The following NQO2 variants were observed in gnomAD, a reference collection of about 807,000 sequenced individuals.
The protein encoded by NQO2 is N-ribosyldihydronicotinamide:quinone dehydrogenase 2, also known as ribosyldihydronicotinamide dehydrogenase [quinone].
A neutral mutation model predicts 22.0 loss-of-function variants in NQO2; 18 were observed. That is an observed-to-expected ratio of 0.82 (90% CI 0.56 to 1.21). NQO2 has a LOEUF of 1.21. Among genes scored for constraint, NQO2 ranks in the 50% most tolerant of loss-of-function variants. NQO2 has a pLI of 0.00. For missense variants in NQO2, 267 were observed against 286.9 expected, an observed-to-expected ratio of 0.93 and a Z score of 0.50; for synonymous variants, 106 against 110.8, an observed-to-expected ratio of 0.96 and a Z score of 0.28.
intron 6 of NQO2, among the ~76,000 whole-genome samples, chr6:3,018,699 A>C (rs1581338601): frequency 1.3e-5 from 2 of 152,190 alleles, no homozygotes; most frequent in East Asian, 3.8e-4. Context: ...GAAAGGAAAA[A>C]GTACGTGATT....
chr6:3,005,951 C>T lies in NQO2; in HGVS notation c.-85-517C>T, dbSNP rs576825473. The T allele has an allele frequency of 2.1e-5, 6 of 287,736 alleles. No homozygotes were observed. In the South Asian group the frequency reaches 4.0e-4, roughly 19 times the overall value. 17.8% of individuals were successfully genotyped at this position (287,736 alleles called of 1,614,324 possible). On this transcript the variant is annotated intron_variant, in intron 1 of 6. Coordinates refer to ENST00000380455, the MANE Select transcript of NQO2 (RefSeq NM_000904.6). The stretch of plus-strand genomic sequence containing the variant: ...GGGTCTCCTCTGCTCCTCTGGCCTC[C>T]GCTGCATCCCTGGAGAATCTCTGAG...
Position 3,019,646 on chromosome 6 carries a change from C to T in NQO2, c.687C>T (p.Phe229=), listed in dbSNP as rs142393472. The change falls in exon 7 of 7, where the codon TTC becomes TTT. Residue 229 remains phenylalanine, a synonymous_variant. Coordinates refer to ENST00000380455, the MANE Select transcript of NQO2 (RefSeq NM_000904.6). ...EPIPCTAHWH[F]GQ is the part of the protein sequence containing the mutation. ...TCCCCTGCACAGCCCACTGGCACTTCGGGCAATAACTCTGTGGCACGTGGG... is the reference window on the plus strand; with the variant it reads ...TCCCCTGCACAGCCCACTGGCACTTTGGGCAATAACTCTGTGGCACGTGGG... 2.1e-5 allele frequency: 34 copies of T among 1,606,064 alleles called. No homozygotes were observed. Among genetic ancestry groups the T allele is most frequent in the African/African-American group, 1.6e-4 (12 of 74,772 alleles).
In NQO2 at chr6:3,006,390, G is replaced by A; in HGVS notation, c.-85-78G>A. On this transcript the variant is annotated intron_variant, in intron 1 of 6. Transcript: ENST00000380455. This position sits in a 1 kb window ranked among gnomAD's most constrained non-coding sequence, Gnocchi z 4.0. Reference sequence around the variant, plus strand: ...GTGTTTGCGTGTCTGTCAGGAAGCAGCAGTGATGCCTAGATGTGGTACATT... The same window carrying A: ...GTGTTTGCGTGTCTGTCAGGAAGCAACAGTGATGCCTAGATGTGGTACATT... 1 of 1,441,916 alleles carries A rather than the reference G, an allele frequency of 6.9e-7. No homozygotes were observed. The highest frequency in any genetic ancestry group is 3.1e-5 in the Admixed American group (1 of 32,294). The allele number at this position is 1,441,916 out of a possible 1,614,324, so 89.3% of individuals were successfully genotyped here. A position where few individuals can be genotyped will look rare whatever the true frequency, so the allele number is the denominator to read the frequency against.
intron 3 of NQO2, among the ~76,000 whole-genome samples, chr6:3,010,601 C>A (rs1405219136): frequency 6.6e-6 from 1 of 152,086 alleles, no homozygotes; most frequent in Non-Finnish European, 1.5e-5. Flanking sequence ...CTGCCTCAAC[C>A]CACAGGAAGC....
intron 1 of NQO2, chr6:3,005,801 CT>C: frequency 1.0e-6 from 1 of 985,380 alleles, no homozygotes; most frequent in Middle Eastern, 5.2e-4. Context: ...CTCTCTCACT[CT>C]TCTGGGCCAT....
intron 4 of NQO2, chr6:3,015,202 G>C: frequency 7.4e-7 from 1 of 1,351,644 alleles, no homozygotes; most frequent in Non-Finnish European, 9.7e-7. Flanking sequence ...TCTTCCTTTT[G>C]ACTGGCTTGA....
chr6:3,019,349 G>A lies in NQO2; in HGVS notation c.520-130G>A, dbSNP rs1478680849. ...AGGGAAGTTTAGCTTTCAGTTGCCT[G>A]TAACATTAAGGTTGTTTCATGATTT... is the stretch of plus-strand genomic sequence containing the variant. On this transcript the variant is annotated intron_variant, in intron 6 of 6. Transcript: ENST00000380455. 4 of 1,416,454 alleles carry A rather than the reference G, an allele frequency of 2.8e-6. No homozygotes were observed. The African/African-American group carries it at 4.3e-5, about 15-fold the overall frequency. 87.7% of individuals were successfully genotyped at this position (1,416,454 alleles called of 1,614,324 possible). A position where few individuals can be genotyped will look rare whatever the true frequency, so the allele number is the denominator to read the frequency against.
At chr6:3,004,773 T>A in intron 1 of NQO2, 1 of 336,850 alleles carries the variant, frequency 3.0e-6, no homozygotes, top group Non-Finnish European at 4.2e-6. Context: ...CACTAAGCCC[T>A]AGTCACACTC....
At chr6:3,007,645 T>C (rs1756996648) in intron 2 of NQO2, among the ~76,000 whole-genome samples, 1 of 152,234 alleles carries the variant, frequency 6.6e-6, no homozygotes, top group African/African-American at 2.4e-5. Context: ...CTCTTTCCAA[T>C]GAGGAAAATA....
chr6:3,006,735 C>G lies in NQO2; in HGVS notation c.7+176C>G, dbSNP rs28383617. On this transcript the variant is annotated intron_variant, in intron 2 of 6. Coordinates refer to ENST00000380455, the MANE Select transcript of NQO2 (RefSeq NM_000904.6). This position sits in a 1 kb window ranked among gnomAD's most constrained non-coding sequence, Gnocchi z 4.0. ...ACATTGTTGTAAAAAATCCAAGCCA[C>G]GTGGAAGTGTATAAACTATCTGGAA... 3.4e-6 allele frequency: 2 copies of G among 589,084 alleles called. No homozygotes were observed. Among genetic ancestry groups the G allele is most frequent in the African/African-American group, 3.8e-5 (2 of 52,188 alleles). 36.5% of individuals were successfully genotyped at this position (589,084 alleles called of 1,614,324 possible).
intron 6 of NQO2, among the ~76,000 whole-genome samples, chr6:3,018,168 C>T (rs754159335): frequency 3.3e-5 from 5 of 152,148 alleles, no homozygotes; most frequent in Non-Finnish European, 5.9e-5. Flanking sequence ...GCTGTTTTCT[C>T]CTCCTAATCA....
In NQO2 at chr6:3,006,903, G is replaced by A. The variant is rs1756969076; in HGVS notation, c.7+344G>A. On this transcript the variant is annotated intron_variant, in intron 2 of 6. Coordinates refer to ENST00000380455, the MANE Select transcript of NQO2 (RefSeq NM_000904.6). The surrounding 1 kb of genome is among the most constrained non-coding windows in gnomAD (Gnocchi z 4.0). The stretch of plus-strand genomic sequence containing the variant: ...AAATTCTCCCTGGGCTGTAGCAGGG[G>A]CTCAAGTGAATGAACCCCAGGAGGC... 1 of 410,950 alleles carries A rather than the reference G, an allele frequency of 2.4e-6. No homozygotes were observed. The highest frequency in any genetic ancestry group is 4.3e-6 in the Non-Finnish European group (1 of 233,212). The allele number at this position is 410,950 out of a possible 1,614,324, so 25.5% of individuals were successfully genotyped here.
Position 3,006,981 on chromosome 6 carries a change from C to A in NQO2, c.7+422C>A. Reference sequence around the variant, plus strand: ...TATCTTTGCTTTTGCAACTGCTTATCATGCACATATACATGAACATGCAAT... The same window carrying A: ...TATCTTTGCTTTTGCAACTGCTTATAATGCACATATACATGAACATGCAAT... On this transcript the variant is annotated intron_variant, in intron 2 of 6. Transcript: ENST00000380455. The surrounding 1 kb of genome is among the most constrained non-coding windows in gnomAD (Gnocchi z 4.0). The A allele has an allele frequency of 2.5e-6, 1 of 404,160 alleles. No individual in the cohort carries two copies. Among genetic ancestry groups the A allele is most frequent in the South Asian group, 1.2e-4 (1 of 8,602 alleles). The allele number at this position is 404,160 out of a possible 1,614,324, so 25.0% of individuals were successfully genotyped here. A position where few individuals can be genotyped will look rare whatever the true frequency, so the allele number is the denominator to read the frequency against.
rs531625698 is a variant in NQO2, at chr6:3,006,341, T to C, written c.-85-127T>C. On this transcript the variant is annotated intron_variant, in intron 1 of 6. Transcript: ENST00000380455. The surrounding 1 kb of genome is among the most constrained non-coding windows in gnomAD (Gnocchi z 4.0). ...CTAAATCTCCAGAAGATTCCTGGCCTCTCTTGAGAGGTCTTTCTCTGATGT... is the reference window on the plus strand; with the variant it reads ...CTAAATCTCCAGAAGATTCCTGGCCCCTCTTGAGAGGTCTTTCTCTGATGT... 27 of 1,372,530 alleles carry C rather than the reference T, an allele frequency of 2.0e-5. No homozygotes were observed. In the Admixed American group the frequency reaches 3.3e-4, roughly 17 times the overall value. The allele number at this position is 1,372,530 out of a possible 1,614,324, so 85.0% of individuals were successfully genotyped here. A position where few individuals can be genotyped will look rare whatever the true frequency, so the allele number is the denominator to read the frequency against.
At position 3,012,564 on chromosome 6, in the gene NQO2, G is replaced by GT. The variant is rs1398765982; in HGVS notation, c.197dup (p.Asn67GlnfsTer17). ...GACAGGTACTCTTTCTAATCCTGAG[G>GT]TTTTCAATTATGGAGTGGAAACCCA... On this transcript the variant is annotated frameshift_variant, in exon 4 of 7. Coordinates refer to ENST00000380455, the MANE Select transcript of NQO2 (RefSeq NM_000904.6). LOFTEE classifies it high-confidence loss of function. 22 of 1,614,146 alleles carry GT rather than the reference G, an allele frequency of 1.4e-5. No individual in the cohort carries two copies. Among genetic ancestry groups the GT allele is most frequent in the Non-Finnish European group, 1.8e-5 (21 of 1,180,034 alleles).
rs751275766 is a variant in NQO2, at chr6:3,010,226, A to G, written c.172+37A>G. The G allele has an allele frequency of 4.7e-6, 7 of 1,481,388 alleles. No homozygotes were observed. The South Asian group carries it at 8.1e-5, about 17-fold the overall frequency. The allele number at this position is 1,481,388 out of a possible 1,614,324, so 91.8% of individuals were successfully genotyped here. A position where few individuals can be genotyped will look rare whatever the true frequency, so the allele number is the denominator to read the frequency against. On this transcript the variant is annotated intron_variant, in intron 3 of 6. Transcript: ENST00000380455. ...GATAAATGCTCTATTTATAAAAACC[A>G]TCTTTATGTTTTTTACTTTAAAAAA... is the stretch of plus-strand genomic sequence containing the variant.
rs768151735 is a variant in NQO2 at position 3,015,630 on chromosome 6, C to T, written c.404C>T (p.Ser135Phe). 7 of 1,613,996 alleles carry T rather than the reference C, an allele frequency of 4.3e-6. No individual in the cohort carries two copies. Among genetic ancestry groups the T allele is most frequent in the Non-Finnish European group, 5.9e-6 (7 of 1,180,026 alleles). ...FAFDIPGFYD[S>F]GLLQGKLALL... The stretch of plus-strand genomic sequence containing the variant: ...TTTGACATCCCAGGATTCTACGATT[C>T]CGGTTTGCTCCAGGTATGTGCTCTT... The change falls in exon 5 of 7, where the codon TCC (serine) becomes TTC (phenylalanine). Residue 135 changes from serine (S) to phenylalanine (F), a missense_variant. Ser to Phe is a radical substitution (Grantham distance 155). Transcript: ENST00000380455.
chr6:3,015,012 G>GT (rs1262694942), intron 4 of NQO2: 3 of 1,012,296 alleles, frequency 3.0e-6, no homozygotes, highest in Non-Finnish European at 4.1e-6. Flanking sequence ...TTCCCAGGCG[G>GT]TAACACTGGA....
rs1037788487 is a variant in NQO2, at chr6:3,006,297, G to A, written c.-85-171G>A. On this transcript the variant is annotated intron_variant, in intron 1 of 6. Coordinates refer to ENST00000380455, the MANE Select transcript of NQO2 (RefSeq NM_000904.6). The surrounding 1 kb of genome is among the most constrained non-coding windows in gnomAD (Gnocchi z 4.0). ...AAAAGTATGGGTTTTGACATCCTGCGTGGCTTGTCCTCTGAGGCCTAAATC... is the reference window on the plus strand; with the variant it reads ...AAAAGTATGGGTTTTGACATCCTGCATGGCTTGTCCTCTGAGGCCTAAATC... 4.8e-5 allele frequency: 47 copies of A among 981,926 alleles called. No homozygotes were observed. Among genetic ancestry groups the A allele is most frequent in the East Asian group, 4.5e-4 (4 of 8,804 alleles). 60.8% of individuals were successfully genotyped at this position (981,926 alleles called of 1,614,324 possible).
Sources: allele counts gnomAD v4.1 joint callset (sites outside exome capture counted in the v4.1 genomes callset), GRCh38; gene constraint gnomAD v4.1.1; non-coding constraint Gnocchi (gnomAD v3.1); transcripts MANE v1.5; gene names NCBI Gene and HGNC (gene_info 2026-07-23, HGNC 2026-07-21).